PLCG2: variants seen among roughly 807,000 people sequenced by gnomAD.
The protein encoded by PLCG2 is phospholipase C gamma 2.
In PLCG2, 69 loss-of-function variants were observed where a neutral mutation model predicts 175.6. That is an observed-to-expected ratio of 0.39 (90% CI 0.32 to 0.48). The LOEUF (loss-of-function observed/expected upper bound fraction) is 0.48. Ranked by LOEUF, PLCG2 falls within the 20% of genes least tolerant of loss-of-function variation. PLCG2 has a pLI of 0.91. For missense variants in PLCG2, 1,798 were observed against 1,650.9 expected (o/e 1.09, Z -1.54); for synonymous variants, 827 against 624.0 (o/e 1.33, Z -4.85).
chr16:81,890,239 A>C (rs1401360868), intron 10 of PLCG2, among the ~76,000 whole-genome samples: 4 of 152,234 alleles, frequency 2.6e-5, no homozygotes. Context: ...CCACCTTAGC[A>C]GAATCCAGGC....
chr16:81,917,510 C>T (rs546228674), intron 19 of PLCG2, among the ~76,000 whole-genome samples: 2 of 152,206 alleles, frequency 1.3e-5, no homozygotes, highest in African/African-American at 2.4e-5. Flanking sequence ...ACAGTCCCAC[C>T]CACCAGGTGC....
intron 28 of PLCG2, 84 bp downstream of exon 28, chr16:81,937,987 C>CCATGT: frequency 7.6e-7 from 1 of 1,313,074 alleles, no homozygotes; most frequent in South Asian, 1.3e-5. Context: ...AGCAGGGAAC[C>CCATGT]CATGTCTAGG....
At chr16:81,876,775 C>G (rs1016953438) in intron 7 of PLCG2, among the ~76,000 whole-genome samples, 5 of 152,162 alleles carry the variant, frequency 3.3e-5, no homozygotes, top group Admixed American at 3.3e-4. Context: ...CCACCCCTGT[C>G]CCTTGGTTAG....
intron 2 of PLCG2, among the ~76,000 whole-genome samples, chr16:81,786,728 G>T (rs1307378798): frequency 6.6e-6 from 1 of 152,234 alleles, no homozygotes; most frequent in East Asian, 1.9e-4. Context: ...TGATTGGGCA[G>T]CTGGTTCAGA....
At chr16:81,925,642 C>A (rs574882397) in intron 22 of PLCG2, among the ~76,000 whole-genome samples, 7 of 152,326 alleles carry the variant, frequency 4.6e-5, no homozygotes, top group African/African-American at 1.4e-4. Context: ...AATCCCAGCA[C>A]TTTGGGAGGC....
At chr16:81,900,118 A>C (rs1301125395) in intron 13 of PLCG2, among the ~76,000 whole-genome samples, 1 of 152,260 alleles carries the variant, frequency 6.6e-6, no homozygotes, top group African/African-American at 2.4e-5. Flanking sequence ...ACACATGCAA[A>C]TTACATATGT....
At position 81,900,630 on chromosome 16, in the gene PLCG2, C is replaced by T. The variant is rs1405057614; in HGVS notation, c.1212C>T (p.Ser404=). 39 of 1,595,380 alleles carry T rather than the reference C, an allele frequency of 2.4e-5. No homozygotes were observed. The highest frequency in any genetic ancestry group is 3.3e-5 in the Non-Finnish European group (39 of 1,164,712). Residue 404 remains serine (S), a synonymous_variant, in exon 14 of 33, where the codon TCC becomes TCT. Transcript: ENST00000564138. ...CCTGCAGCTTCCCAGTGATCCTGTCCATCGAGGAGCACTGCAGCGTGGAGC... is the reference window on the plus strand; with the variant it reads ...CCTGCAGCTTCCCAGTGATCCTGTCTATCGAGGAGCACTGCAGCGTGGAGC... ...FVTSSFPVIL[S]IEEHCSVEQQ...
chr16:81,809,018 A>G (rs970669028), intron 2 of PLCG2, among the ~76,000 whole-genome samples: 2 of 152,068 alleles, frequency 1.3e-5, no homozygotes, highest in Non-Finnish European at 1.5e-5. Context: ...TAATACTCCT[A>G]TTCTAGGGGT....
intron 2 of PLCG2, among the ~76,000 whole-genome samples, chr16:81,770,863 C>G (rs551230798): frequency 3.3e-5 from 5 of 152,130 alleles, no homozygotes; most frequent in Admixed American, 2.6e-4. Context: ...TCGAGACCAT[C>G]CTGGCTAACA....
chr16:81,825,329 C>A (rs1220000437), intron 2 of PLCG2, among the ~76,000 whole-genome samples: 2 of 143,370 alleles, frequency 1.4e-5, no homozygotes, highest in African/African-American at 5.3e-5. Context: ...CACTCTGTCA[C>A]CCAGGCTGGA....
At chr16:81,776,079 C>G (rs367755667), upstream of PLCG2, among the ~76,000 whole-genome samples, 1 of 18,370 alleles carries the variant, frequency 5.4e-5, no homozygotes, top group African/African-American at 1.2e-4. Flanking sequence ...TTCTTTCTCT[C>G]TCTCTCTCTC....
At chr16:81,907,904 T>C (rs1272803345) in intron 16 of PLCG2, 130 bp downstream of exon 16, 5 of 638,678 alleles carry the variant, frequency 7.8e-6, no homozygotes, top group Non-Finnish European at 1.4e-5. Context: ...GAAGAAGCTG[T>C]TGATACTCTG....
intron 2 of PLCG2, among the ~76,000 whole-genome samples, chr16:81,845,872 C>T (rs1188449017): frequency 2.0e-5 from 3 of 152,210 alleles, no homozygotes; most frequent in Non-Finnish European, 4.4e-5. Context: ...TTCTTAGAGT[C>T]ACTTGCTTGA....
Position 81,774,177 on chromosome 16 carries a change from C to CAAAAAAAAAAAAAAA in PLCG2, c.-47-11754_-47-11740dup, listed in dbSNP as rs57503150. Among the ~76,000 whole-genome samples, 2 of 40,544 alleles carry CAAAAAAAAAAAAAAA rather than the reference C, an allele frequency of 4.9e-5. 1 individual carries two copies. 26.6% of individuals were successfully genotyped at this position (40,544 alleles called of 152,430 possible). A position where few individuals can be genotyped will look rare whatever the true frequency, so the allele number is the denominator to read the frequency against. On this transcript the variant is annotated intron_variant, in intron 2 of 5. Coordinates refer to the PLCG2 transcript ENST00000565054. ...TGAAATCCCGTCTCTACTAAAAATA[C>CAAAAAAAAAAAAAAA]AAAAAAAAAAAAAAAAAAAAAAAAA... is the stretch of plus-strand genomic sequence containing the variant.
chr16:81,843,952 C>T (rs1049709704), intron 2 of PLCG2, among the ~76,000 whole-genome samples: 3 of 151,638 alleles, frequency 2.0e-5, no homozygotes, highest in African/African-American at 2.4e-5. Context: ...TTTTCCTTTT[C>T]GTTTTTCTTT....
chr16:81,813,107 A>T (rs1904389846), intron 2 of PLCG2, among the ~76,000 whole-genome samples: 1 of 152,190 alleles, frequency 6.6e-6, no homozygotes, highest in Admixed American at 6.6e-5. Flanking sequence ...GTCAGGTAGC[A>T]TGATGCCTGC....
At chr16:81,793,225 T>C (rs1349494232) in intron 2 of PLCG2, among the ~76,000 whole-genome samples, 2 of 152,186 alleles carry the variant, frequency 1.3e-5, no homozygotes, top group Non-Finnish European at 1.5e-5. Context: ...GCCTTCTGCA[T>C]AGAGTTAAGG....
intron 1 of PLCG2, among the ~76,000 whole-genome samples, chr16:81,742,960 G>C (rs78522687): frequency 0.021 from 3,208 of 152,208 alleles, 48 homozygotes; most frequent in Non-Finnish European, 0.035. Flanking sequence ...CATCTTTTTG[G>C]TTCTCGATAC....
chr16:81,862,560 T>C (rs55791328), intron 5 of PLCG2, among the ~76,000 whole-genome samples: 22,653 of 152,140 alleles, frequency 0.15, 1,969 homozygotes, highest in Non-Finnish European at 0.21. Flanking sequence ...TTTCCTTTTT[T>C]CTTTTTTCTT....
Sources: allele counts gnomAD v4.1 joint callset (sites outside exome capture counted in the v4.1 genomes callset), GRCh38; gene constraint gnomAD v4.1.1; transcripts MANE v1.5; gene names NCBI Gene and HGNC (gene_info 2026-07-23, HGNC 2026-07-21).